RALGPS1: variants seen among roughly 807,000 people sequenced by gnomAD.
RALGPS1 encodes the protein Ral GEF with PH domain and SH3 binding motif 1.
Under a neutral mutation model 78.8 loss-of-function variants are expected in RALGPS1, and 19 were observed. The ratio of observed to expected loss-of-function variants is 0.24; its 90% CI spans 0.17 to 0.35. RALGPS1 has a LOEUF of 0.35. Among genes scored for constraint, RALGPS1 ranks in the 10% least tolerant of loss-of-function variants. RALGPS1 has a pLI of 1.00. For synonymous variants in RALGPS1, 228 were observed against 256.3 expected, an observed-to-expected ratio of 0.89 and a Z score of 1.06; for missense variants, 454 against 688.3, an observed-to-expected ratio of 0.66 and a Z score of 3.81.
intron 8 of RALGPS1, among the ~76,000 whole-genome samples, chr9:127,080,286 G>A (rs1214138347): frequency 1.3e-5 from 2 of 152,158 alleles, no homozygotes; most frequent in African/African-American, 4.8e-5. Context: ...AAAGGCATTT[G>A]GTGCCCACTC....
At chr9:127,190,635 C>T (rs903673985) in intron 11 of RALGPS1, among the ~76,000 whole-genome samples, 1 of 152,194 alleles carries the variant, frequency 6.6e-6, no homozygotes, top group Non-Finnish European at 1.5e-5. Context: ...GCTCATTTAT[C>T]TATTTCCCTA....
At chr9:126,994,787 C>T (rs1241980260) in intron 4 of RALGPS1, among the ~76,000 whole-genome samples, 2 of 151,936 alleles carry the variant, frequency 1.3e-5, no homozygotes, top group African/African-American at 4.8e-5. Context: ...AGAGAAAGGT[C>T]GGGTTACCCA....
chr9:127,053,789 G>A (rs556593306), intron 7 of RALGPS1, among the ~76,000 whole-genome samples: 2 of 152,298 alleles, frequency 1.3e-5, no homozygotes, highest in East Asian at 3.9e-4. Context: ...TTATGTTGTA[G>A]GTGATCGAAA....
rs56189383 is a variant in RALGPS1, at chr9:127,207,179, A to G, written c.1248-4952A>G. ...CCACCACCACCATCATCGTTATCCCATCATCTCATTGTCCCATCATTATCA... is the reference window on the plus strand; with the variant it reads ...CCACCACCACCATCATCGTTATCCCGTCATCTCATTGTCCCATCATTATCA... On this transcript the variant is annotated intron_variant, in intron 14 of 18. Transcript: ENST00000259351. Among the ~76,000 whole-genome samples, 1,485 of 151,838 alleles carry G rather than the reference A, an allele frequency of 9.8e-3. 39 individuals carry two copies. The highest frequency in any genetic ancestry group is 0.034 in the African/African-American group (1,387 of 41,390).
At chr9:127,164,131 C>G (rs1348104202) in intron 8 of RALGPS1, among the ~76,000 whole-genome samples, 1 of 151,922 alleles carries the variant, frequency 6.6e-6, no homozygotes, top group Non-Finnish European at 1.5e-5. Flanking sequence ...GATAATATAG[C>G]ATTTACTTTT....
intron 4 of RALGPS1, among the ~76,000 whole-genome samples, chr9:127,024,511 A>G (rs2045790002): frequency 6.6e-6 from 1 of 151,652 alleles, no homozygotes; most frequent in Admixed American, 6.6e-5. Flanking sequence ...GAGCTTCACC[A>G]AACTCATCAC....
At chr9:127,038,414 C>G (rs1169668666) in intron 5 of RALGPS1, among the ~76,000 whole-genome samples, 1 of 152,146 alleles carries the variant, frequency 6.6e-6, no homozygotes, top group Non-Finnish European at 1.5e-5. Flanking sequence ...CTGTTTTTTT[C>G]TGAACACTTT....
intron 1 of RALGPS1, among the ~76,000 whole-genome samples, chr9:126,954,445 G>C (rs1251611344): frequency 6.6e-6 from 1 of 152,180 alleles, no homozygotes; most frequent in Admixed American, 6.5e-5. Context: ...TAGCCGAAGT[G>C]ATCTTCCAAA....
chr9:127,124,170 G>A (rs1011112249), intron 8 of RALGPS1, among the ~76,000 whole-genome samples: 1 of 152,202 alleles, frequency 6.6e-6, no homozygotes, highest in African/African-American at 2.4e-5. Flanking sequence ...ACCCGAGAGG[G>A]TTTGTGACTT....
chr9:127,218,664 C>T lies in RALGPS1; in HGVS notation c.1645-76C>T. The stretch of plus-strand genomic sequence containing the variant: ...CAGACTCACGGGGAAAGGCCTGTCC[C>T]TTCCCCTAGGGACCACCACCCCTTG... On this transcript the variant is annotated intron_variant, in intron 18 of 18. Coordinates refer to ENST00000259351, the MANE Select transcript of RALGPS1 (RefSeq NM_014636.3). The surrounding 1 kb of genome is among the most constrained non-coding windows in gnomAD (Gnocchi z 4.4). The T allele has an allele frequency of 6.7e-7, 1 of 1,483,928 alleles. No homozygotes were observed. The highest frequency in any genetic ancestry group is 1.1e-5 in the South Asian group (1 of 88,362). The allele number at this position is 1,483,928 out of a possible 1,614,324, so 91.9% of individuals were successfully genotyped here. A position where few individuals can be genotyped will look rare whatever the true frequency, so the allele number is the denominator to read the frequency against.
In RALGPS1 at chr9:127,137,748, G is replaced by C. The variant is rs572857143; in HGVS notation, c.611-28321G>C. ...GCTGGGCACTGGGGAGATACATGGCGTGAGCAGATCAGGTGTGGGCTCTGA... is the reference window on the plus strand; with the variant it reads ...GCTGGGCACTGGGGAGATACATGGCCTGAGCAGATCAGGTGTGGGCTCTGA... On this transcript the variant is annotated intron_variant, in intron 8 of 18. Coordinates refer to ENST00000259351, the MANE Select transcript of RALGPS1 (RefSeq NM_014636.3). 2.0e-5 allele frequency among the ~76,000 whole-genome samples: 3 copies of C among 152,220 alleles called. No individual in the cohort carries two copies. The East Asian group carries it at 5.8e-4, about 29-fold the overall frequency.
chr9:126,995,801 T>C (rs1025194529), intron 4 of RALGPS1, among the ~76,000 whole-genome samples: 6 of 152,186 alleles, frequency 3.9e-5, no homozygotes, highest in East Asian at 1.9e-4. Flanking sequence ...CCTCAGCAAA[T>C]GTAAAAGAAC....
chr9:127,087,404 T>C (rs2051884538), intron 8 of RALGPS1: 1 of 152,642 alleles, frequency 6.6e-6, no homozygotes, highest in Admixed American at 6.5e-5. Flanking sequence ...TCTGGGAATA[T>C]ATTTTTAAAA....
chr9:127,134,006 T>TCC (rs111468329), intron 8 of RALGPS1, among the ~76,000 whole-genome samples: 4,400 of 145,478 alleles, frequency 0.03, 86 homozygotes, highest in Middle Eastern at 0.059. Flanking sequence ...TTGTCCTCGC[T>TCC]CCCCCCCCCG....
chr9:127,041,031 T>TTGTGTGTGTGTGTGTG (rs58541875), intron 5 of RALGPS1, among the ~76,000 whole-genome samples: 12,265 of 135,552 alleles, frequency 0.09, 689 homozygotes, highest in Non-Finnish European at 0.12. Flanking sequence ...CTACAAACAT[T>TTGTGTGTGTGTGTGTG]TGTGTGTGTG....
intron 8 of RALGPS1, among the ~76,000 whole-genome samples, chr9:127,164,258 C>T (rs888507807): frequency 6.6e-6 from 1 of 152,020 alleles, no homozygotes; most frequent in African/African-American, 2.4e-5. Flanking sequence ...TATTATTAGG[C>T]AGAGTCCTGC....
chr9:126,983,283 T>C (rs367870547), intron 4 of RALGPS1, among the ~76,000 whole-genome samples: 3 of 151,930 alleles, frequency 2.0e-5, no homozygotes, highest in Admixed American at 1.3e-4. Context: ...TGAATAGATA[T>C]GTGTATGCAC....
chr9:127,088,158 C>T (rs1336434181), intron 8 of RALGPS1: 1 of 152,272 alleles, frequency 6.6e-6, no homozygotes, highest in African/African-American at 2.4e-5. Context: ...GGGACTGACA[C>T]ACAGAAGGCA....
chr9:127,137,945 C>T (rs982374052), intron 8 of RALGPS1, among the ~76,000 whole-genome samples: 10 of 152,198 alleles, frequency 6.6e-5, no homozygotes, highest in Non-Finnish European at 1.3e-4. Flanking sequence ...TGAGCTCACA[C>T]GTAGCCCTCA....
Sources: allele counts gnomAD v4.1 joint callset (sites outside exome capture counted in the v4.1 genomes callset), GRCh38; gene constraint gnomAD v4.1.1; non-coding constraint Gnocchi (gnomAD v3.1); transcripts MANE v1.5; gene names NCBI Gene and HGNC (gene_info 2026-07-23, HGNC 2026-07-21).